Variants in SLC2A10 observed in about 807,000 individuals in gnomAD.
SLC2A10 encodes solute carrier family 2 member 10.
A neutral mutation model predicts 32.1 loss-of-function variants in SLC2A10; 25 were observed. The ratio of observed to expected loss-of-function variants is 0.78; its 90% CI spans 0.57 to 1.09. SLC2A10 has a LOEUF of 1.09. SLC2A10 is among the 50% of genes least tolerant of loss of function. The probability of loss-of-function intolerance (pLI) is 0.00; values close to 1 mark genes in which losing one functional copy is unlikely to be tolerated. For missense variants in SLC2A10, 673 were observed against 686.5 expected, an observed-to-expected ratio of 0.98 and a Z score of 0.22; for synonymous variants, 332 against 309.6, an observed-to-expected ratio of 1.07 and a Z score of -0.76.
At chr20:46,728,464 G>T (rs1393452862) in intron 3 of SLC2A10, among the ~76,000 whole-genome samples, 1 of 152,142 alleles carries the variant, frequency 6.6e-6, no homozygotes, top group Non-Finnish European at 1.5e-5. Flanking sequence ...CCCACCGGAG[G>T]CTCTAGGAGG....
In SLC2A10 at chr20:46,735,248, A is replaced by G. The variant is rs919643109; in HGVS notation, c.*1414A>G. 6.6e-6 allele frequency: 1 copy of G among 152,582 alleles called. No homozygotes were observed. The highest frequency in any genetic ancestry group is 1.5e-5 in the Non-Finnish European group (1 of 68,034). 9.5% of individuals were successfully genotyped at this position (152,582 alleles called of 1,614,324 possible). A position where few individuals can be genotyped will look rare whatever the true frequency, so the allele number is the denominator to read the frequency against. ...CATGCGTGCACATATGGGTGCTGGC[A>G]GAGCCCCCAAGGACTCTGGCCTCTC... On this transcript the variant is annotated 3_prime_UTR_variant, in exon 5 of 5. Transcript: ENST00000359271.
rs1431633342 is a variant in SLC2A10, at chr20:46,725,069, T to G, written c.33T>G (p.Cys11Trp). 1 of 1,614,134 alleles carries G rather than the reference T, an allele frequency of 6.2e-7. No homozygotes were observed. The highest frequency in any genetic ancestry group is 1.3e-5 in the African/African-American group (1 of 74,946). ...ACTCCCCACCTGTCCTGCCTTTGTGTGCCTCTGTGTCTTTGCTGGGTGGCC... is the reference window on the plus strand; with the variant it reads ...ACTCCCCACCTGTCCTGCCTTTGTGGGCCTCTGTGTCTTTGCTGGGTGGCC... MGHSPPVLPLCASVSLLGGLT... is the reference protein window; with the variant it reads MGHSPPVLPLWASVSLLGGLT... The change falls in exon 2 of 5, where the codon TGT becomes TGG. Residue 11 changes from cysteine to tryptophan, a missense_variant. Transcript: ENST00000359271.
chr20:46,715,246 G>GTTTA (rs11474416), intron 1 of SLC2A10, among the ~76,000 whole-genome samples: 1,557 of 152,226 alleles, frequency 0.01, 27 homozygotes, highest in African/African-American at 0.036. Flanking sequence ...TTGTTTGTTT[G>GTTTA]TTTGTTTGTT....
chr20:46,730,610 A>G (rs1401261580), intron 4 of SLC2A10, among the ~76,000 whole-genome samples: 1 of 152,234 alleles, frequency 6.6e-6, no homozygotes, highest in Non-Finnish European at 1.5e-5. Context: ...GCAAGGAACA[A>G]CAAGGAAGCC....
In SLC2A10 at chr20:46,725,657, C is replaced by A; in HGVS notation, c.621C>A (p.Pro207=). 6.2e-7 allele frequency: 1 copy of A among 1,614,050 alleles called. No individual in the cohort carries two copies. Among genetic ancestry groups the A allele is most frequent in the Non-Finnish European group, 8.5e-7 (1 of 1,179,972 alleles). The part of the protein sequence containing the change: ...DLIPLQGGEA[P]KLGPGRPRYS... Reference sequence around the variant, plus strand: ...TCCCACTCCAGGGAGGTGAGGCCCCCAAGCTGGGCCCGGGGAGGCCACGGT... The same window carrying A: ...TCCCACTCCAGGGAGGTGAGGCCCCAAAGCTGGGCCCGGGGAGGCCACGGT... Residue 207 remains proline (P), a synonymous_variant, in exon 2 of 5, where the codon CCC becomes CCA. Transcript: ENST00000359271.
intron 1 of SLC2A10, among the ~76,000 whole-genome samples, chr20:46,712,007 C>T (rs74275066): frequency 0.051 from 7,744 of 152,204 alleles, 280 homozygotes; most frequent in East Asian, 0.23. Context: ...TGCTATGTGA[C>T]TTACAAACTG....
At chr20:46,711,184 C>G (rs1373381140) in intron 1 of SLC2A10, among the ~76,000 whole-genome samples, 1 of 152,216 alleles carries the variant, frequency 6.6e-6, no homozygotes, top group Non-Finnish European at 1.5e-5. Context: ...AAAGTTTGCT[C>G]TGAGTCGTTC....
intron 4 of SLC2A10, 33 bp from the exon 5 acceptor site, chr20:46,733,723 A>G: frequency 1.2e-6 from 2 of 1,600,276 alleles, no homozygotes; most frequent in Non-Finnish European, 1.7e-6. Flanking sequence ...AGGCCCTGCC[A>G]CCCCCTGATC....
Position 46,729,497 on chromosome 20 carries a change from C to CTGACAGGG in SLC2A10, c.1547+12_1547+19dup. 6.2e-7 allele frequency: 1 copy of CTGACAGGG among 1,614,026 alleles called. No homozygotes were observed. The highest frequency in any genetic ancestry group is 8.5e-7 in the Non-Finnish European group (1 of 1,179,966). Reference sequence around the variant, plus strand: ...CAGTTCCAGAAGAGACGGTAGGAAGCTGACAGGGTGGGTCTGGGGGAAGAG... The same window carrying CTGACAGGG: ...CAGTTCCAGAAGAGACGGTAGGAAGCTGACAGGGTGACAGGGTGGGTCTGGGGGAAGAG... On this transcript the variant is annotated intron_variant, in intron 4 of 4. Transcript: ENST00000359271.
At position 46,729,388 on chromosome 20, in the gene SLC2A10, G is replaced by C; in HGVS notation, c.1447G>C (p.Gly483Arg). ...CTTGTCCTGGACCTTCCTGCTCTAC[G>C]GACTGACCGCTGTCCTCGGCCTGGG... ...IGLSWTFLLY[G>R]LTAVLGLGFI... The change falls in exon 4 of 5, where the codon GGA becomes CGA. Residue 483 changes from glycine to arginine, a missense_variant. Physicochemically the swap from Gly to Arg is moderately radical, Grantham distance 125 (BLOSUM62 -2). Transcript: ENST00000359271. 1.2e-6 allele frequency: 2 copies of C among 1,613,822 alleles called. No individual in the cohort carries two copies. Among genetic ancestry groups the C allele is most frequent in the East Asian group, 2.2e-5 (1 of 44,862 alleles).
chr20:46,717,078 T>C (rs979746035), intron 1 of SLC2A10, among the ~76,000 whole-genome samples: 2 of 152,214 alleles, frequency 1.3e-5, no homozygotes, highest in African/African-American at 4.8e-5. Context: ...AAGGGCTCAT[T>C]TTCTACATGT....
rs2123023926 is a variant in SLC2A10 at position 46,719,563 on chromosome 20, T to C, written c.5-5478T>C. Among the ~76,000 whole-genome samples the C allele has an allele frequency of 2.0e-5, 3 of 152,294 alleles. 1 individual carries two copies. The highest frequency in any genetic ancestry group is 2.0e-4 in the Admixed American group (3 of 15,314). On this transcript the variant is annotated intron_variant, in intron 1 of 4. Transcript: ENST00000359271. ...TAAAACCATCAGATCTTGTGAGACT[T>C]ATTCACTACCACGAAACAGTATGGG... is the stretch of plus-strand genomic sequence containing the variant.
rs746460509 is a variant in SLC2A10, at chr20:46,726,005, G to A, written c.969G>A (p.Met323Ile). 2 of 1,613,984 alleles carry A rather than the reference G, an allele frequency of 1.2e-6. No individual in the cohort carries two copies. The highest frequency in any genetic ancestry group is 1.1e-5 in the South Asian group (1 of 91,092). The change falls in exon 2 of 5, where the codon ATG becomes ATA. Residue 323 changes from methionine to isoleucine, a missense_variant. Met to Ile is a conservative substitution (Grantham distance 10). Transcript: ENST00000359271. ...GIGLVSFAVP[M>I]DSGPSCLAVP... Reference sequence around the variant, plus strand: ...GCCTCGTCAGCTTTGCCGTGCCCATGGACTCAGGCCCAAGCTGTCTGGCTG... The same window carrying A: ...GCCTCGTCAGCTTTGCCGTGCCCATAGACTCAGGCCCAAGCTGTCTGGCTG...
rs763756054 is a variant in SLC2A10 at position 46,709,716 on chromosome 20, C to T, written c.-21C>T. 6 of 1,542,376 alleles carry T rather than the reference C, an allele frequency of 3.9e-6. No homozygotes were observed. In the South Asian group the frequency reaches 7.2e-5, roughly 18 times the overall value. On this transcript the variant is annotated 5_prime_UTR_variant, in exon 1 of 5. In the 5' UTR this introduces an upstream ATG that the reference lacks. Transcript: ENST00000359271. ...GCCCGGCCCCTCAGCGCCCCCAGCA[C>T]GCCGCCGAGTCCCGCTCGCCATGGG...
rs1248226577 is a variant in SLC2A10, at chr20:46,709,922, C to T, written c.4+182C>T. ...CTGCGGCGGGGGCTGGGACGGGGCT[C>T]GGTCGCGCTTCCTTCCATCTTCCTT... On this transcript the variant is annotated intron_variant, in intron 1 of 4. Transcript: ENST00000359271. 7.9e-6 allele frequency: 5 copies of T among 631,076 alleles called. No individual in the cohort carries two copies. The East Asian group carries it at 1.0e-4, about 13-fold the overall frequency. The allele number at this position is 631,076 out of a possible 1,614,324, so 39.1% of individuals were successfully genotyped here. A position where few individuals can be genotyped will look rare whatever the true frequency, so the allele number is the denominator to read the frequency against.
chr20:46,714,887 C>T (rs577827756), intron 1 of SLC2A10, among the ~76,000 whole-genome samples: 6 of 152,274 alleles, frequency 3.9e-5, no homozygotes, highest in South Asian at 2.1e-4. Flanking sequence ...TGCTTTATCC[C>T]TTGGGGTTTT....
intron 4 of SLC2A10, among the ~76,000 whole-genome samples, chr20:46,732,188 T>C (rs1018369881): frequency 2.0e-4 from 31 of 152,230 alleles, no homozygotes; most frequent in Admixed American, 2.0e-3. Context: ...TCAAATCGTC[T>C]TACATCAATC....
At chr20:46,717,215 G>A (rs1000053864) in intron 1 of SLC2A10, among the ~76,000 whole-genome samples, 1 of 151,986 alleles carries the variant, frequency 6.6e-6, no homozygotes, top group Admixed American at 6.6e-5. Context: ...TCAGATCAGT[G>A]CGGGAAAAAA....
chr20:46,720,433 A>T (rs1411170674), intron 1 of SLC2A10, among the ~76,000 whole-genome samples: 1 of 152,162 alleles, frequency 6.6e-6, no homozygotes, highest in Non-Finnish European at 1.5e-5. Flanking sequence ...TGAAACACTA[A>T]TTTCTTTGGA....
Sources: gnomAD v4.1 joint callset for allele counts (sites outside exome capture counted in the v4.1 genomes callset) on GRCh38, gnomAD v4.1.1 for gene constraint, MANE v1.5 for transcripts, NCBI Gene and HGNC (gene_info 2026-07-23, HGNC 2026-07-21) for gene names.